The following ZMYM4 variants were observed in gnomAD, a reference collection of about 807,000 sequenced individuals.
ZMYM4 encodes the protein zinc finger MYM-type protein 4.
Under a neutral mutation model 183.2 loss-of-function variants are expected in ZMYM4, and 31 were observed. That is an observed-to-expected ratio of 0.17 (90% CI 0.13 to 0.23). The LOEUF (loss-of-function observed/expected upper bound fraction) is 0.23, where lower values mean the gene tolerates loss of function less well. Ranked by LOEUF, ZMYM4 falls within the 10% of genes least tolerant of loss-of-function variation. The pLI is 1.00. For synonymous variants in ZMYM4, 592 were observed against 631.2 expected, an observed-to-expected ratio of 0.94 and a Z score of 0.93; for missense variants, 1,273 against 1,840.3, an observed-to-expected ratio of 0.69 and a Z score of 5.64.
chr1:35,377,038 C>T (rs986546660), intron 7 of ZMYM4, among the ~76,000 whole-genome samples: 1 of 152,040 alleles, frequency 6.6e-6, no homozygotes, highest in African/African-American at 2.4e-5. Flanking sequence ...TCCCGAGTAG[C>T]TGGGACTACA....
rs925285905 is a variant in ZMYM4, at chr1:35,268,934, C to G, written c.-113C>G. 1.1e-5 allele frequency: 13 copies of G among 1,234,342 alleles called. No homozygotes were observed. Among genetic ancestry groups the G allele is most frequent in the Non-Finnish European group, 9.3e-6 (9 of 963,632 alleles). The allele number at this position is 1,234,342 out of a possible 1,614,324, so 76.5% of individuals were successfully genotyped here. On this transcript the variant is annotated 5_prime_UTR_variant, in exon 1 of 30. Transcript: ENST00000314607. ...CTCTCGGCGCAAGGCCCGGCCGGGT[C>G]CGGGGAAGCTGCCGCGAGGCGGCCG...
intron 5 of ZMYM4, 132 bp downstream of exon 5, chr1:35,361,921 C>G (rs754695707): frequency 2.5e-6 from 3 of 1,192,448 alleles, no homozygotes; most frequent in Non-Finnish European, 3.5e-6. Context: ...AAGGTTGAGG[C>G]GATTTGAATT....
At chr1:35,307,922 C>T (rs996694725) in intron 1 of ZMYM4, among the ~76,000 whole-genome samples, 5 of 151,790 alleles carry the variant, frequency 3.3e-5, no homozygotes, top group African/African-American at 4.8e-5. Context: ...CTCCGCCTCC[C>T]GGGTTCAAGT....
In ZMYM4 at chr1:35,351,529, C is replaced by T. The variant is rs572436026; in HGVS notation, c.86-7396C>T. Reference sequence around the variant, plus strand: ...AGAGGTGGAACCATCCCAAAATATCCCTTGCTCAGAAGAAAGATCAGGTAA... The same window carrying T: ...AGAGGTGGAACCATCCCAAAATATCTCTTGCTCAGAAGAAAGATCAGGTAA... On this transcript the variant is annotated intron_variant, in intron 2 of 29. Coordinates refer to ENST00000314607, the MANE Select transcript of ZMYM4 (RefSeq NM_005095.3). 7 of 1,267,912 alleles carry T rather than the reference C, an allele frequency of 5.5e-6. No homozygotes were observed. In the African/African-American group the frequency reaches 5.9e-5, roughly 11 times the overall value. 78.5% of individuals were successfully genotyped at this position (1,267,912 alleles called of 1,614,324 possible).
chr1:35,285,806 A>C (rs1198676973), intron 1 of ZMYM4, among the ~76,000 whole-genome samples: 1 of 152,222 alleles, frequency 6.6e-6, no homozygotes, highest in Non-Finnish European at 1.5e-5. Context: ...AAATCATCTC[A>C]GTTGATGCAG....
intron 1 of ZMYM4, among the ~76,000 whole-genome samples, chr1:35,320,152 T>C (rs903749659): frequency 6.6e-6 from 1 of 152,188 alleles, no homozygotes; most frequent in Non-Finnish European, 1.5e-5. Flanking sequence ...GTGGATTGTG[T>C]ACTAATGAGT....
In ZMYM4 at chr1:35,387,558, G is replaced by A. The variant is rs765178759; in HGVS notation, c.2217G>A (p.Lys739=). 4.3e-6 allele frequency: 7 copies of A among 1,613,826 alleles called. No homozygotes were observed. Among genetic ancestry groups the A allele is most frequent in the Non-Finnish European group, 5.9e-6 (7 of 1,179,928 alleles). ...ATTGTAAAATTGAGAAAATTGTAAA[G>A]GAGACTGTTCGGTTCTCAGGTGCTG... ...CEYCKIEKIV[K]ETVRFSGADK... The change falls in exon 13 of 30, where the codon AAG becomes AAA. Residue 739 remains lysine, a synonymous_variant. Coordinates refer to ENST00000314607, the MANE Select transcript of ZMYM4 (RefSeq NM_005095.3).
intron 1 of ZMYM4, among the ~76,000 whole-genome samples, chr1:35,284,988 G>C (rs758955700): frequency 6.6e-6 from 1 of 152,142 alleles, no homozygotes; most frequent in African/African-American, 2.4e-5. Flanking sequence ...CCATAACAAC[G>C]ACAAATGCGA....
intron 1 of ZMYM4, among the ~76,000 whole-genome samples, chr1:35,278,243 T>C (rs929172467): frequency 5.9e-5 from 9 of 151,936 alleles, no homozygotes; most frequent in Non-Finnish European, 1.0e-4. Flanking sequence ...CATAATTACC[T>C]CTCCAAAGAT....
chr1:35,271,808 T>C (rs1639620659), intron 1 of ZMYM4, among the ~76,000 whole-genome samples: 1 of 152,086 alleles, frequency 6.6e-6, no homozygotes, highest in African/African-American at 2.4e-5. Flanking sequence ...CATTCATTGA[T>C]TTTTGGAATT....
intron 1 of ZMYM4, among the ~76,000 whole-genome samples, chr1:35,313,105 G>A (rs1641877003): frequency 6.6e-6 from 1 of 152,054 alleles, no homozygotes; most frequent in South Asian, 2.1e-4. Flanking sequence ...TGTTGCCCAG[G>A]CTGGTCTGGA....
intron 1 of ZMYM4, among the ~76,000 whole-genome samples, chr1:35,284,513 G>C (rs1640372422): frequency 6.6e-6 from 1 of 152,156 alleles, no homozygotes; most frequent in African/African-American, 2.4e-5. Flanking sequence ...TGAATATCCA[G>C]GTTTCATAGC....
chr1:35,325,168 G>A (rs916204526), intron 1 of ZMYM4, among the ~76,000 whole-genome samples, 192 bp from the exon 2 acceptor site: 22 of 151,752 alleles, frequency 1.4e-4, no homozygotes, highest in South Asian at 4.2e-4. Context: ...TTGGTTTGGG[G>A]CTTTGGTCTG....
At chr1:35,318,965 C>T (rs1642170750) in intron 1 of ZMYM4, among the ~76,000 whole-genome samples, 1 of 152,154 alleles carries the variant, frequency 6.6e-6, no homozygotes, top group South Asian at 2.1e-4. Context: ...TGGCTCACCA[C>T]AACCTCCGCC....
chr1:35,372,466 C>T (rs1456287459), intron 7 of ZMYM4, among the ~76,000 whole-genome samples: 1 of 152,086 alleles, frequency 6.6e-6, no homozygotes, highest in African/African-American at 2.4e-5. Flanking sequence ...AATATGGTGA[C>T]TGTAGTTAAT....
intron 1 of ZMYM4, among the ~76,000 whole-genome samples, chr1:35,270,088 CTG>C (rs775344541): frequency 6.6e-6 from 1 of 152,178 alleles, no homozygotes; most frequent in African/African-American, 2.4e-5. Flanking sequence ...TGAGTGCTTA[CTG>C]TGTGCCTGGC....
At chr1:35,342,135 G>A (rs1643221746) in intron 2 of ZMYM4, among the ~76,000 whole-genome samples, 1 of 151,998 alleles carries the variant, frequency 6.6e-6, no homozygotes, top group Non-Finnish European at 1.5e-5. Context: ...TTGGTAGGTT[G>A]TATTTTTCAA....
At chr1:35,329,554 G>A (rs1351053133) in intron 2 of ZMYM4, among the ~76,000 whole-genome samples, 2 of 152,116 alleles carry the variant, frequency 1.3e-5, no homozygotes, top group Non-Finnish European at 2.9e-5. Flanking sequence ...TAAGTTTATT[G>A]AACATAACAG....
chr1:35,412,995 A>C (rs2149041555), intron 26 of ZMYM4, among the ~76,000 whole-genome samples: 1 of 152,234 alleles, frequency 6.6e-6, no homozygotes, highest in Non-Finnish European at 1.5e-5. Context: ...GGATTCCGTT[A>C]CTACTCATGG....
Sources: allele counts gnomAD v4.1 joint callset (sites outside exome capture counted in the v4.1 genomes callset), GRCh38; gene constraint gnomAD v4.1.1; transcripts MANE v1.5; gene names NCBI Gene and HGNC (gene_info 2026-07-23, HGNC 2026-07-21).